Variants in DENND5B observed in about 807,000 individuals in gnomAD.
The protein encoded by DENND5B is DENN domain-containing protein 5B.
Under a neutral mutation model 140.6 loss-of-function variants are expected in DENND5B, and 34 were observed. The ratio of observed to expected loss-of-function variants is 0.24; its 90% CI spans 0.18 to 0.32. DENND5B has a LOEUF of 0.32. Among genes scored for constraint, DENND5B ranks in the 10% least tolerant of loss-of-function variants. DENND5B has a pLI of 1.00. For missense variants in DENND5B, 1,142 were observed against 1,560.2 expected (o/e 0.73, Z 4.52); for synonymous variants, 551 against 562.1 (o/e 0.98, Z 0.28).
chr12:31,555,582 G>T (rs1175561517), intron 1 of DENND5B, among the ~76,000 whole-genome samples: 1 of 152,196 alleles, frequency 6.6e-6, no homozygotes, highest in Admixed American at 6.5e-5. Context: ...CTTCAAAGCT[G>T]TCAGAGAGGG....
intron 1 of DENND5B, among the ~76,000 whole-genome samples, chr12:31,504,395 T>C (rs1387688758): frequency 6.6e-6 from 1 of 152,178 alleles, no homozygotes; most frequent in African/African-American, 2.4e-5. Flanking sequence ...ACCAAAGGAA[T>C]ATGAGATCTG....
intron 7 of DENND5B, among the ~76,000 whole-genome samples, chr12:31,434,745 T>C (rs1943665626): frequency 1.3e-5 from 2 of 152,268 alleles, no homozygotes; most frequent in South Asian, 4.1e-4. Context: ...ACTATATAGA[T>C]AACTTTGTCT....
rs773458840 is a variant in DENND5B, at chr12:31,452,383, G to T, written c.1186C>A (p.Leu396Ile). 37 of 1,613,816 alleles carry T rather than the reference G, an allele frequency of 2.3e-5. No individual in the cohort carries two copies. The highest frequency in any genetic ancestry group is 3.0e-5 in the Non-Finnish European group (35 of 1,179,892). ...FPNKVDFIQE[L>I]SEVLVQFGIP... ...CCAAATTGAACAAGAACCTCAGAGA[G>T]TTCTTGGATAAAATCCACTTTATTG... The change falls in exon 5 of 21, where the codon CTC becomes ATC. Residue 396 changes from leucine (L) to isoleucine (I), a missense_variant. Physicochemically the swap from Leu to Ile is conservative, Grantham distance 5. Around this residue, in one of 5 missense-constraint regions of DENND5B, gnomAD observed 708 missense variants for 905.5 expected, o/e 0.78. Coordinates refer to ENST00000389082, the MANE Select transcript of DENND5B (RefSeq NM_144973.4).
At chr12:31,493,306 T>C (rs1946605211) in intron 2 of DENND5B, among the ~76,000 whole-genome samples, 1 of 152,340 alleles carries the variant, frequency 6.6e-6, no homozygotes, top group South Asian at 2.1e-4. Context: ...GAAAATAACA[T>C]ACATAAAGTA....
At chr12:31,550,334 A>G (rs565137608) in intron 1 of DENND5B, among the ~76,000 whole-genome samples, 7 of 149,320 alleles carry the variant, frequency 4.7e-5, no homozygotes, top group Non-Finnish European at 1.0e-4. Context: ...TGGTCCTTGC[A>G]ATAGTTTGCT....
intron 7 of DENND5B, among the ~76,000 whole-genome samples, chr12:31,440,702 C>A (rs1299868259): frequency 2.6e-5 from 4 of 152,028 alleles, no homozygotes; most frequent in African/African-American, 2.4e-5. Context: ...CAAGGTTGAC[C>A]AGGCTGGAAT....
At chr12:31,569,746 A>T (rs1282279648) in intron 1 of DENND5B, among the ~76,000 whole-genome samples, 1 of 152,180 alleles carries the variant, frequency 6.6e-6, no homozygotes, top group Non-Finnish European at 1.5e-5. Flanking sequence ...CAGGAGGCAG[A>T]GGTTGCAGTG....
intron 8 of DENND5B, chr12:31,432,885 TA>T (rs1301920334): frequency 5.7e-6 from 2 of 353,698 alleles, no homozygotes; most frequent in Non-Finnish European, 1.0e-5. Flanking sequence ...ACATAGTAAC[TA>T]AAAATTTATC....
chr12:31,471,625 T>C lies in DENND5B; in HGVS notation c.904+7964A>G, dbSNP rs77188821. 9.7e-3 allele frequency among the ~76,000 whole-genome samples: 1,469 copies of C among 152,132 alleles called. 27 individuals carry two copies. The highest frequency in any genetic ancestry group is 0.034 in the African/African-American group (1,391 of 41,500). The stretch of plus-strand genomic sequence containing the variant: ...CCTGCCCTCAACAGAAACCAGGGGA[T>C]AGTATGAAGTCTCATTTTATAGATA... On this transcript the variant is annotated intron_variant, in intron 3 of 20. Transcript: ENST00000389082.
At chr12:31,579,798 G>A (rs1950155576) in intron 1 of DENND5B, among the ~76,000 whole-genome samples, 2 of 136,088 alleles carry the variant, frequency 1.5e-5, no homozygotes, top group Non-Finnish European at 3.2e-5. Flanking sequence ...GGGAGGGAGG[G>A]AGGAGAGAAG....
chr12:31,433,244 A>G lies in DENND5B; in HGVS notation c.2017T>C (p.Trp673Arg). 4.4e-6 allele frequency: 7 copies of G among 1,608,784 alleles called. No individual in the cohort carries two copies. Among genetic ancestry groups the G allele is most frequent in the Non-Finnish European group, 5.9e-6 (7 of 1,178,220 alleles). Residue 673 changes from tryptophan (W) to arginine (R), a missense_variant, in exon 8 of 21, where the codon TGG becomes CGG. Transcript: ENST00000389082. ...LATGPTSNNR[W>R]VSRSATAQRR... is the part of the protein sequence containing the mutation. Reference sequence around the variant, plus strand: ...TGTGCAGTGGCACTCCGACTTACCCAGCGACTGAAACAATCAAATTATTTA... The same window carrying G: ...TGTGCAGTGGCACTCCGACTTACCCGGCGACTGAAACAATCAAATTATTTA...
intron 1 of DENND5B, among the ~76,000 whole-genome samples, chr12:31,554,661 T>C (rs1332466691): frequency 3.9e-5 from 6 of 152,232 alleles, no homozygotes. Flanking sequence ...GTTTTCCAAC[T>C]TGGTTCCATT....
intron 1 of DENND5B, among the ~76,000 whole-genome samples, chr12:31,548,102 T>C (rs1565684212): frequency 6.6e-6 from 1 of 152,050 alleles, no homozygotes; most frequent in East Asian, 1.9e-4. Flanking sequence ...TAGTTCACAT[T>C]AGAATCCAGC....
chr12:31,402,829 C>T (rs1332142175), intron 14 of DENND5B, among the ~76,000 whole-genome samples, 186 bp from the exon 15 acceptor site: 1 of 151,940 alleles, frequency 6.6e-6, no homozygotes, highest in Admixed American at 6.6e-5. Flanking sequence ...AGTTTGCAAA[C>T]CAGAAGTCTC....
At chr12:31,409,768 C>T (rs957265995) in intron 13 of DENND5B, among the ~76,000 whole-genome samples, 4 of 152,070 alleles carry the variant, frequency 2.6e-5, no homozygotes, top group Non-Finnish European at 5.9e-5. Flanking sequence ...CATGAGCCAC[C>T]ATGCCCGGCC....
chr12:31,539,784 G>T (rs1449128802), intron 1 of DENND5B, among the ~76,000 whole-genome samples: 1 of 144,464 alleles, frequency 6.9e-6, no homozygotes, highest in Non-Finnish European at 1.5e-5. Context: ...TACTGATGAG[G>T]AAAAAAAAAA....
At chr12:31,491,846 T>C (rs1029942813) in intron 2 of DENND5B, among the ~76,000 whole-genome samples, 7 of 152,258 alleles carry the variant, frequency 4.6e-5, no homozygotes, top group Admixed American at 3.9e-4. Context: ...ACTTAATTTA[T>C]GTATGAAATT....
At chr12:31,387,854 A>C in intron 20 of DENND5B, 68 bp from the exon 21 acceptor site, 3 of 1,499,920 alleles carry the variant, frequency 2.0e-6, no homozygotes, top group Non-Finnish European at 2.7e-6. Flanking sequence ...CACACAGTGG[A>C]GTCTGTATGA....
chr12:31,568,758 A>C (rs1027565181), intron 1 of DENND5B, among the ~76,000 whole-genome samples: 4 of 152,126 alleles, frequency 2.6e-5, no homozygotes, highest in Admixed American at 1.3e-4. Flanking sequence ...TGCCCCCAAA[A>C]ACTCCTTTTA....
Sources: allele counts gnomAD v4.1 joint callset (sites outside exome capture counted in the v4.1 genomes callset), GRCh38; gene constraint gnomAD v4.1.1; regional missense constraint gnomAD v4.1.1; transcripts MANE v1.5; gene names NCBI Gene and HGNC (gene_info 2026-07-23, HGNC 2026-07-21).